The following SMURF1 variants were observed in gnomAD, a reference collection of about 807,000 sequenced individuals.
SMURF1 encodes the protein SMAD specific E3 ubiquitin protein ligase 1.
A neutral mutation model predicts 98.0 loss-of-function variants in SMURF1; 44 were observed. The observed-to-expected ratio is 0.45, with a 90% CI of 0.35 to 0.58. The LOEUF (loss-of-function observed/expected upper bound fraction) is 0.58. Among genes scored for constraint, SMURF1 ranks in the 20% least tolerant of loss-of-function variants. The pLI is 0.00. For missense variants in SMURF1, 687 were observed against 938.4 expected (o/e 0.73, Z 3.50); for synonymous variants, 396 against 374.9 (o/e 1.06, Z -0.65).
At chr7:99,120,488 C>G (rs1797584794) in intron 1 of SMURF1, among the ~76,000 whole-genome samples, 1 of 152,070 alleles carries the variant, frequency 6.6e-6, no homozygotes, top group Admixed American at 6.6e-5. Flanking sequence ...ATCAGATTAC[C>G]ACCAAATCCT....
intron 1 of SMURF1, among the ~76,000 whole-genome samples, chr7:99,129,591 T>C (rs1000355718): frequency 2.0e-5 from 3 of 152,182 alleles, no homozygotes; most frequent in Non-Finnish European, 2.9e-5. Context: ...AGGGTCTTGC[T>C]GTGTTGCCCC....
intron 1 of SMURF1, among the ~76,000 whole-genome samples, chr7:99,067,064 C>T (rs1243773398): frequency 2.0e-5 from 3 of 149,032 alleles, no homozygotes; most frequent in Admixed American, 6.7e-5. Context: ...GGCATGATCT[C>T]GGCTCACTGC....
chr7:99,085,267 C>T (rs866359853), intron 1 of SMURF1, among the ~76,000 whole-genome samples: 5 of 150,312 alleles, frequency 3.3e-5, no homozygotes, highest in Admixed American at 6.7e-5. Context: ...GCAGGAGAAT[C>T]GCTTGAACCC....
At chr7:99,062,246 C>T (rs547416572) in intron 1 of SMURF1, among the ~76,000 whole-genome samples, 8 of 152,100 alleles carry the variant, frequency 5.3e-5, no homozygotes, top group East Asian at 1.9e-4. Flanking sequence ...TATAGGCACA[C>T]GCCACCATGC....
At chr7:99,117,817 C>T (rs1028929360) in intron 1 of SMURF1, among the ~76,000 whole-genome samples, 11 of 152,020 alleles carry the variant, frequency 7.2e-5, no homozygotes, top group South Asian at 6.2e-4. Context: ...TGGTGGCTCA[C>T]GCCTGTAATC....
chr7:99,051,048 TTTCC>T, intron 8 of SMURF1: 2 of 1,445,788 alleles, frequency 1.4e-6, no homozygotes, highest in Non-Finnish European at 1.9e-6. Context: ...AGTCTTTATA[TTTCC>T]TTGACTTATG....
chr7:99,084,796 G>A (rs574467036), intron 1 of SMURF1, among the ~76,000 whole-genome samples: 18 of 152,210 alleles, frequency 1.2e-4, no homozygotes, highest in African/African-American at 4.1e-4. Context: ...ATATGGTTTG[G>A]GTATGGGTCC....
intron 14 of SMURF1, among the ~76,000 whole-genome samples, chr7:99,037,772 C>T (rs576897179): frequency 1.3e-5 from 2 of 152,254 alleles, no homozygotes; most frequent in Non-Finnish European, 2.9e-5. Context: ...ATGTTCTGGC[C>T]AGGCATGGCG....
chr7:99,102,931 G>A (rs1157837884), intron 1 of SMURF1, among the ~76,000 whole-genome samples: 1 of 151,626 alleles, frequency 6.6e-6, no homozygotes, highest in East Asian at 1.9e-4. Flanking sequence ...AGCCTCCCAA[G>A]TAGCTGAGAC....
chr7:99,121,840 G>T (rs1240002129), intron 1 of SMURF1, among the ~76,000 whole-genome samples: 1 of 152,094 alleles, frequency 6.6e-6, no homozygotes, highest in Admixed American at 6.5e-5. Flanking sequence ...CCCAAGACAA[G>T]CTCCTCAAAC....
chr7:99,118,854 T>C (rs1384957068), intron 1 of SMURF1, among the ~76,000 whole-genome samples: 2 of 152,014 alleles, frequency 1.3e-5, no homozygotes, highest in Admixed American at 6.6e-5. Context: ...CTAAGATAGT[T>C]CCTATTTATT....
chr7:99,035,013 C>G (rs1323004443), intron 16 of SMURF1, among the ~76,000 whole-genome samples: 1 of 152,222 alleles, frequency 6.6e-6, no homozygotes, highest in Non-Finnish European at 1.5e-5. Flanking sequence ...GCCTGCCCTA[C>G]AGGCAGATGG....
In SMURF1 at chr7:99,144,089, TCCGCCGCTG is replaced by T. The variant is rs1008313214; in HGVS notation, c.-318_-310del. 110 of 152,070 alleles carry T rather than the reference TCCGCCGCTG, an allele frequency of 7.2e-4. No individual in the cohort carries two copies. Among genetic ancestry groups the T allele is most frequent in the South Asian group, 1.8e-3 (10 of 5,652 alleles). 9.4% of individuals were successfully genotyped at this position (152,070 alleles called of 1,614,324 possible). A position where few individuals can be genotyped will look rare whatever the true frequency, so the allele number is the denominator to read the frequency against. On this transcript the variant is annotated 5_prime_UTR_variant, in exon 1 of 18. Transcript: ENST00000361368. ...CCGGACGCCCGCCGCCCTCGCCGCTTCCGCCGCTGCCGCCGCCTCTCCGAGCCGCGCGCG... is the reference window on the plus strand; with the variant it reads ...CCGGACGCCCGCCGCCCTCGCCGCTTCCGCCGCCTCTCCGAGCCGCGCGCG...
At chr7:99,038,568 C>A in intron 13 of SMURF1, 43 bp from the exon 14 acceptor site, 1 of 1,594,198 alleles carries the variant, frequency 6.3e-7, no homozygotes. Context: ...AACTCTGCCA[C>A]CACGCGGGGC....
Position 99,037,245 on chromosome 7 carries a change from G to A in SMURF1, c.1689-58C>T, listed in dbSNP as rs73399214. The stretch of plus-strand genomic sequence containing the variant: ...CCAAGTGGATTTTCCGCCATGGGCA[G>A]GTTTTTTTTGGAGACAGGGTCTCAC... On this transcript the variant is annotated intron_variant, in intron 14 of 17. Transcript: ENST00000361368. The A allele has an allele frequency of 2.1e-3, 3,415 of 1,609,224 alleles. 69 individuals carry two copies. In the African/African-American group the frequency reaches 0.041, roughly 19 times the overall value.
At chr7:99,108,240 C>T (rs1229153774) in intron 1 of SMURF1, among the ~76,000 whole-genome samples, 2 of 151,844 alleles carry the variant, frequency 1.3e-5, no homozygotes, top group Non-Finnish European at 2.9e-5. Flanking sequence ...TGTTTTGATA[C>T]GGAGTCTCGC....
At chr7:99,133,791 A>G (rs1468766212) in intron 1 of SMURF1, among the ~76,000 whole-genome samples, 2 of 152,262 alleles carry the variant, frequency 1.3e-5, no homozygotes, top group African/African-American at 2.4e-5. Context: ...AAATTATGGT[A>G]TATGCCCATA....
At chr7:99,030,708 C>A (rs569724191) in intron 17 of SMURF1, 25 bp from the exon 18 acceptor site, 8 of 1,604,170 alleles carry the variant, frequency 5.0e-6, no homozygotes, top group African/African-American at 1.3e-5. Flanking sequence ...AAGAGAGTCA[C>A]CGTGTGGGCA....
rs528359779 is a variant in SMURF1, at chr7:99,051,061, T to C, written c.806+296A>G. On this transcript the variant is annotated intron_variant, in intron 8 of 17. Transcript: ENST00000361368. ...AGAGTCTTTATATTTCCTTGACTTATGATGGAAAATTTTAAGCATATAAAA... is the reference window on the plus strand; with the variant it reads ...AGAGTCTTTATATTTCCTTGACTTACGATGGAAAATTTTAAGCATATAAAA... 3.4e-5 allele frequency: 48 copies of C among 1,398,458 alleles called. No individual in the cohort carries two copies. The African/African-American group carries it at 4.0e-4, about 12-fold the overall frequency. The allele number at this position is 1,398,458 out of a possible 1,614,324, so 86.6% of individuals were successfully genotyped here. A position where few individuals can be genotyped will look rare whatever the true frequency, so the allele number is the denominator to read the frequency against.
Sources: gnomAD v4.1 joint callset for allele counts (sites outside exome capture counted in the v4.1 genomes callset) on GRCh38, gnomAD v4.1.1 for gene constraint, MANE v1.5 for transcripts, NCBI Gene and HGNC (gene_info 2026-07-23, HGNC 2026-07-21) for gene names.